The following FNDC1 variants were observed in gnomAD, a reference collection of about 807,000 sequenced individuals.
The protein encoded by FNDC1 is fibronectin type III domain containing 1.
Under a neutral mutation model 168.0 loss-of-function variants are expected in FNDC1, and 96 were observed. The observed-to-expected ratio is 0.57, with a 90% CI of 0.48 to 0.68. The LOEUF is 0.68. Ranked by LOEUF, FNDC1 falls within the 30% of genes least tolerant of loss-of-function variation. FNDC1 has a pLI of 0.00. For missense variants in FNDC1, 2,587 were observed against 2,482.1 expected, an observed-to-expected ratio of 1.04 and a Z score of -0.90; for synonymous variants, 1,099 against 1,025.9, an observed-to-expected ratio of 1.07 and a Z score of -1.36.
At chr6:159,269,346 C>CTATCTATCT (rs1777677315) in intron 22 of FNDC1, among the ~76,000 whole-genome samples, 2 of 28,670 alleles carry the variant, frequency 7.0e-5, no homozygotes, top group Non-Finnish European at 2.1e-4. Flanking sequence ...TCTATCTATC[C>CTATCTATCT]ATTTGTTTAT....
rs1295644235 is a variant in FNDC1 at position 159,225,575 on chromosome 6, A to G, written c.925A>G (p.Arg309Gly). The change falls in exon 8 of 23, where the codon AGG becomes GGG. Residue 309 changes from arginine (R) to glycine (G), a missense_variant. Coordinates refer to ENST00000297267, the MANE Select transcript of FNDC1 (RefSeq NM_032532.3). ...VRYREKGELA[R>G]WDYKQIANRR... ...CTATCGAGAGAAGGGGGAATTGGCC[A>G]GGTGGGATTATAAGCAGATCGCTAA... The G allele has an allele frequency of 6.2e-7, 1 of 1,613,890 alleles. No individual in the cohort carries two copies. Among genetic ancestry groups the G allele is most frequent in the Admixed American group, 1.7e-5 (1 of 60,024 alleles).
rs773978571 is a variant in FNDC1 at position 159,236,203 on chromosome 6, G to C, written c.3968-12G>C. Reference sequence around the variant, plus strand: ...ACCAGGCTCTGTTATTTTTATTTTTGGTACTGTGTAGGTTATAATGGCAGA... The same window carrying C: ...ACCAGGCTCTGTTATTTTTATTTTTCGTACTGTGTAGGTTATAATGGCAGA... On this transcript the variant is annotated splice_polypyrimidine_tract_variant and intron_variant, in intron 11 of 22. Transcript: ENST00000297267. The C allele has an allele frequency of 2.1e-5, 33 of 1,590,156 alleles. No homozygotes were observed. The Middle Eastern group carries it at 6.6e-4, about 32-fold the overall frequency.
chr6:159,246,812 G>A, intron 14 of FNDC1, 89 bp from the exon 15 acceptor site: 2 of 896,902 alleles, frequency 2.2e-6, no homozygotes, highest in Non-Finnish European at 3.7e-6. Context: ...TGCTTGAGGT[G>A]AATGAATTGT....
chr6:159,252,062 A>C (rs1236968639), intron 17 of FNDC1, among the ~76,000 whole-genome samples: 1 of 152,052 alleles, frequency 6.6e-6, no homozygotes, highest in Non-Finnish European at 1.5e-5. Flanking sequence ...TCAGTTCCTT[A>C]TGTGGGAATA....
chr6:159,231,437 G>A (rs1439053668), intron 10 of FNDC1, among the ~76,000 whole-genome samples: 1 of 152,162 alleles, frequency 6.6e-6, no homozygotes, highest in African/African-American at 2.4e-5. Context: ...ATCACTTTGA[G>A]TATAGATTAT....
chr6:159,245,138 C>T (rs1204719512), intron 14 of FNDC1, among the ~76,000 whole-genome samples: 2 of 152,118 alleles, frequency 1.3e-5, no homozygotes, highest in East Asian at 1.9e-4. Context: ...ATCATGAGAA[C>T]AGCATGGGGG....
intron 1 of FNDC1, among the ~76,000 whole-genome samples, chr6:159,193,322 A>G (rs1474475850): frequency 2.6e-5 from 4 of 152,190 alleles, no homozygotes; most frequent in African/African-American, 9.6e-5. Context: ...GTGCCTTTAG[A>G]TGGAGCATAT....
chr6:159,170,489 C>A (rs1336934873), intron 1 of FNDC1, among the ~76,000 whole-genome samples: 1 of 152,178 alleles, frequency 6.6e-6, no homozygotes, highest in Non-Finnish European at 1.5e-5. Flanking sequence ...AAGTTTGTGG[C>A]GAGGTTTTCA....
chr6:159,180,883 G>C (rs754484767), intron 1 of FNDC1, among the ~76,000 whole-genome samples: 7 of 152,072 alleles, frequency 4.6e-5, no homozygotes, highest in Admixed American at 2.6e-4. Flanking sequence ...GTCTATCACT[G>C]ATGTGATAGA....
chr6:159,177,844 T>A (rs1164652840), intron 1 of FNDC1, among the ~76,000 whole-genome samples: 3 of 152,144 alleles, frequency 2.0e-5, no homozygotes, highest in Non-Finnish European at 4.4e-5. Flanking sequence ...CAACGATCAT[T>A]TCTTATGGCC....
chr6:159,223,261 G>A (rs1412104262), intron 6 of FNDC1, among the ~76,000 whole-genome samples: 17 of 152,138 alleles, frequency 1.1e-4, no homozygotes, highest in Non-Finnish European at 1.5e-5. Flanking sequence ...CTCCCAAAGT[G>A]CTGGGATTAC....
At chr6:159,266,725 G>A (rs967025723) in intron 21 of FNDC1, among the ~76,000 whole-genome samples, 5 of 147,138 alleles carry the variant, frequency 3.4e-5, no homozygotes, top group African/African-American at 5.1e-5. Context: ...TAATGAGTAC[G>A]AGCGTGAGCT....
At chr6:159,269,255 A>G (rs1298384604) in intron 22 of FNDC1, among the ~76,000 whole-genome samples, 2 of 71,596 alleles carry the variant, frequency 2.8e-5, no homozygotes, top group Admixed American at 1.6e-4. Context: ...CTATCCATCT[A>G]TCATCTATCT....
At chr6:159,271,119 G>A (rs1454502872) in intron 22 of FNDC1, among the ~76,000 whole-genome samples, 1 of 152,188 alleles carries the variant, frequency 6.6e-6, no homozygotes, top group Non-Finnish European at 1.5e-5. Flanking sequence ...CCCACCCCAG[G>A]CTGGGGTTGG....
At chr6:159,213,843 G>A (rs552615623) in intron 4 of FNDC1, among the ~76,000 whole-genome samples, 1 of 152,270 alleles carries the variant, frequency 6.6e-6, no homozygotes, top group East Asian at 1.9e-4. Flanking sequence ...ATCTACAAGT[G>A]GATATTCCTT....
chr6:159,269,950 G>T (rs1777708111), intron 22 of FNDC1, among the ~76,000 whole-genome samples: 1 of 152,210 alleles, frequency 6.6e-6, no homozygotes, highest in Admixed American at 6.5e-5. Flanking sequence ...AGCACCTTGG[G>T]AGGCTGATGT....
chr6:159,171,437 C>T (rs1232715575), intron 1 of FNDC1, among the ~76,000 whole-genome samples: 1 of 152,196 alleles, frequency 6.6e-6, no homozygotes, highest in Non-Finnish European at 1.5e-5. Context: ...ACAGCAACGT[C>T]ATGGATAGAC....
At chr6:159,227,195 C>A (rs1583887306) in intron 9 of FNDC1, among the ~76,000 whole-genome samples, 2 of 152,202 alleles carry the variant, frequency 1.3e-5, no homozygotes, top group South Asian at 2.1e-4. Context: ...ACATGAAAAT[C>A]TTTTATTTTT....
rs775622814 is a variant in FNDC1, at chr6:159,238,554, G to A, written c.4069G>A (p.Val1357Ile). The change falls in exon 13 of 23, where the codon GTT becomes ATT. Residue 1357 changes from valine (V) to isoleucine (I), a missense_variant and splice_region_variant. Coordinates refer to ENST00000297267, the MANE Select transcript of FNDC1 (RefSeq NM_032532.3). ...IINGPQGTKW[V>I]VDLDRGLVLN... ...TCTTTAATCTATGTCATGGATTTAG[G>A]TTGTGGACCTTGATCGTGGGTTAGT... 5 of 1,603,582 alleles carry A rather than the reference G, an allele frequency of 3.1e-6. No individual in the cohort carries two copies. The highest frequency in any genetic ancestry group is 2.2e-5 in the East Asian group (1 of 44,810).
Sources: allele counts gnomAD v4.1 joint callset (sites outside exome capture counted in the v4.1 genomes callset), GRCh38; gene constraint gnomAD v4.1.1; transcripts MANE v1.5; gene names NCBI Gene and HGNC (gene_info 2026-07-23, HGNC 2026-07-21).